Variants in NAALADL2 observed in about 807,000 individuals in gnomAD.
NAALADL2 encodes N-acetylated alpha-linked acidic dipeptidase like 2, also known as inactive N-acetylated-alpha-linked acidic dipeptidase-like protein 2.
Under a neutral mutation model 87.2 loss-of-function variants are expected in NAALADL2, and 76 were observed. The observed-to-expected ratio is 0.87, with a 90% CI of 0.72 to 1.05. NAALADL2 has a LOEUF of 1.05. NAALADL2 is among the 50% of genes least tolerant of loss of function. The pLI, the probability that NAALADL2 is intolerant of heterozygous loss-of-function variation, is 0.00. For missense variants in NAALADL2, 1,089 were observed against 945.8 expected, an observed-to-expected ratio of 1.15 and a Z score of -1.99; for synonymous variants, 354 against 331.0, an observed-to-expected ratio of 1.07 and a Z score of -0.75.
At chr3:175,668,607 A>C (rs2149836140) in intron 11 of NAALADL2, among the ~76,000 whole-genome samples, 1 of 152,236 alleles carries the variant, frequency 6.6e-6, no homozygotes, top group African/African-American at 2.4e-5. Context: ...GTTTATATTA[A>C]GTTTGTTTCT....
At chr3:175,665,965 T>A (rs965173549) in intron 11 of NAALADL2, among the ~76,000 whole-genome samples, 4 of 152,140 alleles carry the variant, frequency 2.6e-5, no homozygotes, top group Admixed American at 2.6e-4. Flanking sequence ...ATTATCCTAT[T>A]TTCAAAATTT....
chr3:174,909,546 C>T (rs1733413320), intron 1 of NAALADL2, among the ~76,000 whole-genome samples: 1 of 152,072 alleles, frequency 6.6e-6, no homozygotes, highest in African/African-American at 2.4e-5. Context: ...TGCTTTATAT[C>T]ATTATCCCTA....
At chr3:175,302,599 A>C (rs766281226) in intron 4 of NAALADL2, among the ~76,000 whole-genome samples, 4 of 152,208 alleles carry the variant, frequency 2.6e-5, no homozygotes, top group Non-Finnish European at 4.4e-5. Context: ...AATATATTAA[A>C]TATGCTGTAT....
chr3:175,650,336 A>G (rs1418499858), intron 11 of NAALADL2, among the ~76,000 whole-genome samples: 1 of 152,170 alleles, frequency 6.6e-6, no homozygotes, highest in African/African-American at 2.4e-5. Flanking sequence ...CTTTCACAGT[A>G]TTGATTGCAA....
intron 5 of NAALADL2, among the ~76,000 whole-genome samples, chr3:175,374,015 T>C (rs1397048444): frequency 1.3e-5 from 2 of 152,162 alleles, no homozygotes; most frequent in African/African-American, 4.8e-5. Flanking sequence ...TTTCTTACTA[T>C]TGAATTTTTT....
At chr3:175,068,548 C>T (rs1437440169) in intron 1 of NAALADL2, among the ~76,000 whole-genome samples, 1 of 152,022 alleles carries the variant, frequency 6.6e-6, no homozygotes, top group African/African-American at 2.4e-5. Flanking sequence ...TGTTGTCTCT[C>T]GCAAACTTGG....
intron 2 of NAALADL2, among the ~76,000 whole-genome samples, chr3:175,182,578 T>G (rs997093228): frequency 1.1e-5 from 1 of 94,864 alleles, no homozygotes; most frequent in African/African-American, 3.7e-5. Flanking sequence ...TTTTTTTTTT[T>G]GTAGAGATGT....
chr3:175,627,228 A>G (rs981016903), intron 10 of NAALADL2, 63 bp from the exon 11 acceptor site: 15 of 1,333,382 alleles, frequency 1.1e-5, no homozygotes, highest in Middle Eastern at 2.3e-4. Flanking sequence ...GGAAAATCCA[A>G]TAAACACTTG....
intron 11 of NAALADL2, among the ~76,000 whole-genome samples, chr3:175,658,959 A>G (rs1483643839): frequency 6.6e-6 from 1 of 152,094 alleles, no homozygotes; most frequent in Non-Finnish European, 1.5e-5. Flanking sequence ...TATTTGCTAT[A>G]TTCTGCATTT....
rs143495009 is a variant in NAALADL2, at chr3:174,585,440, C to A, written c.-115+34803C>A. 5.6e-3 allele frequency among the ~76,000 whole-genome samples: 845 copies of A among 152,202 alleles called. 12 individuals carry two copies. Among genetic ancestry groups the A allele is most frequent in the African/African-American group, 0.019 (782 of 41,536 alleles). On this transcript the variant is annotated intron_variant, in intron 2 of 3. Coordinates refer to the NAALADL2 transcript ENST00000434257. ...CTTCACATGGACGAGAGCAAGAGAA[C>A]AATGTTGATGGATTAGAACAGTATT...
At chr3:174,454,929 A>G (rs1042088202) in intron 1 of NAALADL2, among the ~76,000 whole-genome samples, 5 of 151,892 alleles carry the variant, frequency 3.3e-5, no homozygotes, top group Admixed American at 6.6e-5. Context: ...AGCACTCAAA[A>G]GATCAATGAA....
chr3:175,192,010 C>G (rs1173298748), intron 2 of NAALADL2, among the ~76,000 whole-genome samples: 2 of 151,248 alleles, frequency 1.3e-5, no homozygotes, highest in Non-Finnish European at 3.0e-5. Context: ...AAAAATAAAG[C>G]CTGAAAGTGG....
chr3:174,616,361 A>G (rs1276933648), intron 2 of NAALADL2, among the ~76,000 whole-genome samples: 1 of 151,992 alleles, frequency 6.6e-6, no homozygotes, highest in Non-Finnish European at 1.5e-5. Flanking sequence ...TTGAAACATT[A>G]TACCTTATTG....
intron 9 of NAALADL2, among the ~76,000 whole-genome samples, chr3:175,485,664 T>A (rs1329027015): frequency 1.3e-5 from 2 of 152,148 alleles, no homozygotes; most frequent in African/African-American, 4.8e-5. Flanking sequence ...AAGTTAGCTT[T>A]TCCACCTTCA....
intron 2 of NAALADL2, among the ~76,000 whole-genome samples, chr3:174,654,517 CA>C (rs990713139): frequency 6.6e-6 from 1 of 151,194 alleles, no homozygotes; most frequent in Non-Finnish European, 1.5e-5. Context: ...TGAGATCTGG[CA>C]AAAAAAATCT....
intron 2 of NAALADL2, among the ~76,000 whole-genome samples, chr3:175,107,096 G>C (rs932924231): frequency 9.2e-5 from 14 of 151,912 alleles, no homozygotes; most frequent in African/African-American, 3.1e-4. Context: ...TTTTATTTTT[G>C]CAAATTGTAG....
chr3:175,732,355 A>G (rs571770884), intron 11 of NAALADL2, among the ~76,000 whole-genome samples: 1 of 152,318 alleles, frequency 6.6e-6, no homozygotes, highest in South Asian at 2.1e-4. Context: ...GAGATGGGGA[A>G]TTTAGACCAT....
chr3:175,211,871 C>A (rs566264183), intron 2 of NAALADL2, among the ~76,000 whole-genome samples: 4 of 152,006 alleles, frequency 2.6e-5, no homozygotes, highest in South Asian at 4.1e-4. Flanking sequence ...TTGCCCAAAT[C>A]AAAAATGATT....
intron 9 of NAALADL2, among the ~76,000 whole-genome samples, chr3:175,562,932 G>C (rs960943817): frequency 1.5e-4 from 21 of 144,650 alleles, no homozygotes; most frequent in Admixed American, 2.2e-4. Context: ...TGGTAGAAAG[G>C]ATTGTCAAAA....
Sources: allele counts gnomAD v4.1 joint callset (sites outside exome capture counted in the v4.1 genomes callset), GRCh38; gene constraint gnomAD v4.1.1; transcripts MANE v1.5; gene names NCBI Gene and HGNC (gene_info 2026-07-23, HGNC 2026-07-21).